The following NTAQ1 variants were observed in gnomAD, a reference collection of about 807,000 sequenced individuals.
NTAQ1 encodes the protein protein N-terminal glutamine amidohydrolase.
NTAQ1 carries 21 observed loss-of-function variants against 28.2 expected under a neutral mutation model. The ratio of observed to expected loss-of-function variants is 0.74; its 90% CI spans 0.53 to 1.07. The LOEUF is 1.07. Ranked by LOEUF, NTAQ1 falls within the 50% of genes least tolerant of loss-of-function variation. NTAQ1 has a pLI of 0.00. For missense variants in NTAQ1, 264 were observed against 256.6 expected (o/e 1.03, Z -0.20); for synonymous variants, 105 against 90.0 (o/e 1.17, Z -0.94).
chr8:123,470,882 G>A (rs1816033718), downstream of NTAQ1, among the ~76,000 whole-genome samples: 1 of 151,030 alleles, frequency 6.6e-6, no homozygotes, highest in African/African-American at 2.4e-5. Flanking sequence ...AAGTCATATC[G>A]TCATCCTCTC....
intron 5 of NTAQ1, 86 bp downstream of exon 5, chr8:123,437,420 T>C: frequency 6.4e-7 from 1 of 1,559,954 alleles, no homozygotes; most frequent in Non-Finnish European, 8.7e-7. Context: ...AAAAGTCAGG[T>C]TGTTCTTTGA....
In NTAQ1 at chr8:123,464,147, G is replaced by C. The variant is rs1815906010; in HGVS notation, c.373-2932G>C. Among the ~76,000 whole-genome samples, 4 of 152,304 alleles carry C rather than the reference G, an allele frequency of 2.6e-5. No homozygotes were observed. The Middle Eastern group carries it at 0.01, about 389-fold the overall frequency. On this transcript the variant is annotated intron_variant, in intron 6 of 6. Transcript: ENST00000650311. ...TTATAAATTATCCTGTCTCAGGTAT[G>C]TGTTTATTAGCAGTGTGAGAACAGA...
intron 1 of NTAQ1, among the ~76,000 whole-genome samples, chr8:123,422,177 CT>C (rs1468325930): frequency 6.6e-6 from 1 of 151,666 alleles, no homozygotes; most frequent in Non-Finnish European, 1.5e-5. Context: ...TTGTTTTTTG[CT>C]TGTTTATTTA....
intron 3 of NTAQ1, among the ~76,000 whole-genome samples, chr8:123,436,021 T>C (rs1367601415): frequency 1.3e-5 from 2 of 151,138 alleles, no homozygotes; most frequent in African/African-American, 4.9e-5. Context: ...TACAAAAAAT[T>C]AGCTGGGCAT....
intron 5 of NTAQ1, among the ~76,000 whole-genome samples, chr8:123,439,236 T>C (rs1419919901): frequency 6.6e-6 from 1 of 152,052 alleles, no homozygotes; most frequent in Non-Finnish European, 1.5e-5. Context: ...TGGAGTGCAG[T>C]GGCACGATCC....
At chr8:123,438,259 C>G (rs1814843561) in intron 5 of NTAQ1, 2 of 693,526 alleles carry the variant, frequency 2.9e-6, no homozygotes, top group Non-Finnish European at 5.3e-6. Flanking sequence ...CACAACATTC[C>G]CACTTAGGGG....
intron 1 of NTAQ1, among the ~76,000 whole-genome samples, chr8:123,425,330 G>A (rs1263650788): frequency 6.6e-6 from 1 of 152,046 alleles, no homozygotes; most frequent in Non-Finnish European, 1.5e-5. Flanking sequence ...GACCTCAGGT[G>A]ATCCACGTGC....
Position 123,437,357 on chromosome 8 carries a change from A to T in NTAQ1, c.508+23A>T, listed in dbSNP as rs1044019929. On this transcript the variant is annotated intron_variant, in intron 5 of 5. Transcript: ENST00000287387. ...GAGGTGAGCCAAGATGCCTTCTCAG[A>T]TGGGGGTTCTGATTGATCACATACA... The T allele has an allele frequency of 5.0e-6, 8 of 1,613,282 alleles. No homozygotes were observed. The Admixed American group carries it at 1.2e-4, about 24-fold the overall frequency.
intron 1 of NTAQ1, among the ~76,000 whole-genome samples, chr8:123,427,494 T>C (rs1814135560): frequency 6.6e-6 from 1 of 152,066 alleles, no homozygotes; most frequent in Non-Finnish European, 1.5e-5. Context: ...GGTCTCGAAC[T>C]CCTGACCTCG....
At chr8:123,451,243 C>G (rs1815481527), downstream of NTAQ1, among the ~76,000 whole-genome samples, 1 of 152,220 alleles carries the variant, frequency 6.6e-6, no homozygotes, top group Admixed American at 6.5e-5. Flanking sequence ...GTATCTAGAG[C>G]TGACTGCCCC....
downstream of NTAQ1, among the ~76,000 whole-genome samples, chr8:123,442,459 G>A (rs1383363927): frequency 1.3e-5 from 2 of 151,712 alleles, no homozygotes; most frequent in African/African-American, 2.4e-5. Context: ...TTAGCTGGGT[G>A]TGGTGGCGGG....
chr8:123,441,263 A>C, intron 5 of NTAQ1, 43 bp from the exon 6 acceptor site: 1 of 1,532,926 alleles, frequency 6.5e-7, no homozygotes, highest in Admixed American at 1.8e-5. Context: ...TTAAACCAAA[A>C]TTGTGTTTTC....
At chr8:123,472,378 A>T (rs1038442202), downstream of NTAQ1, among the ~76,000 whole-genome samples, 2 of 152,164 alleles carry the variant, frequency 1.3e-5, no homozygotes, top group Admixed American at 6.6e-5. Flanking sequence ...CACAAACTTG[A>T]TGACTTAAAG....
intron 1 of NTAQ1, among the ~76,000 whole-genome samples, chr8:123,426,698 C>T (rs917543746): frequency 3.3e-5 from 5 of 152,010 alleles, no homozygotes; most frequent in Admixed American, 6.6e-5. Context: ...CGGTGGCTCA[C>T]TCTGTAATCC....
intron 5 of NTAQ1, among the ~76,000 whole-genome samples, chr8:123,437,709 AAAAAAAAACAAAAAAC>A (rs1431908456): frequency 3.4e-5 from 2 of 58,886 alleles, no homozygotes; most frequent in African/African-American, 1.4e-4. Flanking sequence ...TCTCAAAAAA[AAAAAAAAACAAAAAAC>A]AAAAAACAAA....
intron 6 of NTAQ1, among the ~76,000 whole-genome samples, chr8:123,453,763 C>T (rs1447684246): frequency 1.3e-5 from 2 of 152,150 alleles, no homozygotes; most frequent in Non-Finnish European, 2.9e-5. Context: ...TGTATGAACT[C>T]AATCCTCAAA....
chr8:123,444,100 T>A (rs1231465549), downstream of NTAQ1, among the ~76,000 whole-genome samples: 1 of 152,060 alleles, frequency 6.6e-6, no homozygotes, highest in Non-Finnish European at 1.5e-5. Context: ...TCTTTTGAGG[T>A]CAGATTTCTT....
intron 6 of NTAQ1, among the ~76,000 whole-genome samples, chr8:123,456,900 G>A (rs1586967188): frequency 2.0e-5 from 3 of 152,068 alleles, no homozygotes; most frequent in African/African-American, 7.2e-5. Flanking sequence ...GATATATACT[G>A]CACGCATATA....
intron 6 of NTAQ1, among the ~76,000 whole-genome samples, chr8:123,464,537 C>T (rs1195759046): frequency 1.3e-5 from 2 of 152,312 alleles, no homozygotes; most frequent in East Asian, 3.9e-4. Flanking sequence ...CACTCTCCCT[C>T]CCCAGGGGTA....
Sources: allele counts gnomAD v4.1 joint callset (sites outside exome capture counted in the v4.1 genomes callset), GRCh38; gene constraint gnomAD v4.1.1; transcripts MANE v1.5; gene names NCBI Gene and HGNC (gene_info 2026-07-23, HGNC 2026-07-21).